SYNRG: variants seen among roughly 807,000 people sequenced by gnomAD.
SYNRG encodes the protein AP1 gamma subunit binding protein 1.
In SYNRG, 37 loss-of-function variants were observed where a neutral mutation model predicts 130.9. The ratio of observed to expected loss-of-function variants is 0.28; its 90% confidence interval spans 0.22 to 0.37. The LOEUF (loss-of-function observed/expected upper bound fraction) is 0.37. Ranked by LOEUF, SYNRG falls within the 10% of genes least tolerant of loss-of-function variation. The pLI is 1.00. For missense variants in SYNRG, 1,338 were observed against 1,588.9 expected, an observed-to-expected ratio of 0.84 and a Z score of 2.68; for synonymous variants, 539 against 568.1, an observed-to-expected ratio of 0.95 and a Z score of 0.73.
chr17:37,531,940 C>T (rs1476735808), intron 19 of SYNRG, among the ~76,000 whole-genome samples: 6 of 152,198 alleles, frequency 3.9e-5, no homozygotes, highest in African/African-American at 9.7e-5. Flanking sequence ...AGATTCACCA[C>T]AATTTACTTA....
intron 19 of SYNRG, among the ~76,000 whole-genome samples, chr17:37,535,508 AG>A (rs2057104144): frequency 6.6e-6 from 1 of 152,218 alleles, no homozygotes; most frequent in Non-Finnish European, 1.5e-5. Flanking sequence ...ATCCCCACAA[AG>A]GAACAGTGAT....
intron 14 of SYNRG, among the ~76,000 whole-genome samples, chr17:37,552,626 A>G (rs1049513418): frequency 6.6e-6 from 1 of 152,224 alleles, no homozygotes; most frequent in Non-Finnish European, 1.5e-5. Flanking sequence ...GGCAAACTGC[A>G]CTACAAGTGG....
chr17:37,554,870 G>A (rs1409124840), intron 13 of SYNRG, among the ~76,000 whole-genome samples: 1 of 152,004 alleles, frequency 6.6e-6, no homozygotes, highest in Admixed American at 6.6e-5. Flanking sequence ...ATTATATAAA[G>A]TTTTAGAGGG....
chr17:37,585,436 G>C lies in SYNRG; in HGVS notation c.372-6C>G. The C allele has an allele frequency of 6.2e-7, 1 of 1,602,824 alleles. No individual in the cohort carries two copies. Among genetic ancestry groups the C allele is most frequent in the South Asian group, 1.1e-5 (1 of 90,500 alleles). On this transcript the variant is annotated splice_polypyrimidine_tract_variant and splice_region_variant and intron_variant, in intron 4 of 21. Coordinates refer to ENST00000612223, the MANE Select transcript of SYNRG (RefSeq NM_007247.6). ...GCTGCTGTTCAAATCGTTTCCTGAA[G>C]GAAAAATGATCTAATAAAGAACCAG...
rs2054422978 is a variant in SYNRG, at chr17:37,516,318, C to G, written c.*2622G>C. The stretch of plus-strand genomic sequence containing the variant: ...AAGCAGCGCAACCGTGTCCCACACT[C>G]CTTGGATCCCTATTGGTGGCATCTA... On this transcript the variant is annotated 3_prime_UTR_variant, in exon 22 of 22. Transcript: ENST00000612223. 6.6e-6 allele frequency: 1 copy of G among 152,196 alleles called. No individual in the cohort carries two copies. Among genetic ancestry groups the G allele is most frequent in the Admixed American group, 6.5e-5 (1 of 15,274 alleles). 9.4% of individuals were successfully genotyped at this position (152,196 alleles called of 1,614,324 possible).
intron 19 of SYNRG, among the ~76,000 whole-genome samples, chr17:37,524,199 A>AT (rs2055532776): frequency 6.6e-6 from 1 of 152,184 alleles, no homozygotes; most frequent in Non-Finnish European, 1.5e-5. Context: ...AATTCCTGCC[A>AT]AATTAACAGC....
chr17:37,579,413 G>T (rs1260316081), intron 6 of SYNRG: 1 of 1,304,118 alleles, frequency 7.7e-7, no homozygotes, highest in African/African-American at 1.5e-5. Flanking sequence ...AGTTTTAGTA[G>T]AATGAGATGA....
At chr17:37,560,004 C>T (rs1367508435) in intron 13 of SYNRG, among the ~76,000 whole-genome samples, 2 of 152,064 alleles carry the variant, frequency 1.3e-5, no homozygotes, top group African/African-American at 4.8e-5. Context: ...CTCAAGCAAT[C>T]CTCCCACCTC....
chr17:37,532,892 G>C (rs2056783582), intron 19 of SYNRG, among the ~76,000 whole-genome samples: 1 of 151,986 alleles, frequency 6.6e-6, no homozygotes, highest in Admixed American at 6.6e-5. Context: ...ACACCTCCTA[G>C]TTTACAATTT....
chr17:37,522,820 G>T (rs759563706), intron 19 of SYNRG, among the ~76,000 whole-genome samples: 6 of 151,716 alleles, frequency 4.0e-5, no homozygotes, highest in Non-Finnish European at 5.9e-5. Flanking sequence ...TTTGTATTTT[G>T]AGTAGAGACG....
chr17:37,578,985 A>G (rs1176471032), intron 6 of SYNRG: 6 of 535,932 alleles, frequency 1.1e-5, no homozygotes, highest in Non-Finnish European at 1.5e-5. Flanking sequence ...AAAAATCTAG[A>G]CACTTGTTTT....
chr17:37,540,415 G>A lies in SYNRG; in HGVS notation c.3331C>T (p.Arg1111Ter). The part of the protein sequence containing the change: ...LNEKPALPVI[R>*]DKYKDLTGEV... Reference sequence around the variant, plus strand: ...CCCGTCAGGTCTTTGTACTTGTCTCGGATGACGGGCAGGGCGGGCTTCTCA... The same window carrying A: ...CCCGTCAGGTCTTTGTACTTGTCTCAGATGACGGGCAGGGCGGGCTTCTCA... The change falls in exon 16 of 22, where the codon CGA becomes TGA. Residue 1111 changes from arginine (R) to a stop codon, truncating the protein, a stop_gained. Coordinates refer to ENST00000612223, the MANE Select transcript of SYNRG (RefSeq NM_007247.6). LOFTEE classifies it high-confidence loss of function. The A allele has an allele frequency of 3.7e-6, 6 of 1,613,754 alleles. No homozygotes were observed. Among genetic ancestry groups the A allele is most frequent in the Non-Finnish European group, 4.2e-6 (5 of 1,179,852 alleles).
chr17:37,535,062 T>C (rs1409042468), intron 19 of SYNRG, among the ~76,000 whole-genome samples: 1 of 152,056 alleles, frequency 6.6e-6, no homozygotes, highest in Admixed American at 6.6e-5. Context: ...GGGACAGTAA[T>C]AGAGGAGGAA....
chr17:37,525,202 C>T (rs1271872349), intron 19 of SYNRG, among the ~76,000 whole-genome samples: 3 of 152,102 alleles, frequency 2.0e-5, no homozygotes, highest in African/African-American at 7.2e-5. Flanking sequence ...AAGGTATGCC[C>T]TCTACAAGTC....
At chr17:37,565,728 C>T (rs1283003756) in intron 11 of SYNRG, among the ~76,000 whole-genome samples, 5 of 150,028 alleles carry the variant, frequency 3.3e-5, no homozygotes, top group African/African-American at 1.2e-4. Flanking sequence ...CGCCTCTGCC[C>T]GGCCGCGACC....
At chr17:37,553,009 T>C in intron 14 of SYNRG, 106 bp downstream of exon 14, 4 of 1,012,446 alleles carry the variant, frequency 4.0e-6, no homozygotes, top group Non-Finnish European at 5.8e-6. Flanking sequence ...TTATTAGAGA[T>C]TCATAAAGCT....
rs149532989 is a variant in SYNRG at position 37,590,789 on chromosome 17, G to A, written c.241-4240C>T. On this transcript the variant is annotated intron_variant, in intron 3 of 21. Transcript: ENST00000612223. ...ACAAAAATTAGCTGGGCAAGGTGGC[G>A]GACACCTGTAATCCCTGGTACTAGG... is the stretch of plus-strand genomic sequence containing the variant. Among the ~76,000 whole-genome samples the A allele has an allele frequency of 3.6e-3, 547 of 152,012 alleles. 3 individuals are homozygous for A. The highest frequency in any genetic ancestry group is 0.013 in the South Asian group (61 of 4,804).
At chr17:37,527,446 C>T (rs1311102657) in intron 19 of SYNRG, among the ~76,000 whole-genome samples, 1 of 152,104 alleles carries the variant, frequency 6.6e-6, no homozygotes, top group African/African-American at 2.4e-5. Flanking sequence ...GCTTCTACCA[C>T]AAGAGGGAGT....
intron 1 of SYNRG, chr17:37,605,704 A>G (rs1198115095): frequency 4.3e-6 from 2 of 460,346 alleles, no homozygotes; most frequent in African/African-American, 4.3e-5. Flanking sequence ...TTAATAAGAC[A>G]GTAAAAGCTT....
Sources: allele counts gnomAD v4.1 joint callset (sites outside exome capture counted in the v4.1 genomes callset), GRCh38; gene constraint gnomAD v4.1.1; transcripts MANE v1.5; gene names NCBI Gene and HGNC (gene_info 2026-07-23, HGNC 2026-07-21).